ECHDC3: variants seen among roughly 807,000 people sequenced by gnomAD.
ECHDC3 encodes enoyl-CoA hydratase domain-containing protein 3, mitochondrial.
Under a neutral mutation model 17.9 loss-of-function variants are expected in ECHDC3, and 20 were observed. The observed-to-expected ratio is 1.12, with a 90% CI of 0.79 to 1.63. The LOEUF (loss-of-function observed/expected upper bound fraction) is 1.63, where lower values mean the gene tolerates loss of function less well. Among genes scored for constraint, ECHDC3 ranks in the 40% most tolerant of loss-of-function variants. The probability of loss-of-function intolerance (pLI) is 0.00; values close to 1 mark genes in which losing one functional copy is unlikely to be tolerated. For synonymous variants in ECHDC3, 177 were observed against 149.7 expected (o/e 1.18, Z -1.33); for missense variants, 407 against 357.7 (o/e 1.14, Z -1.11).
chr10:11,763,167 G>C lies in ECHDC3; in HGVS notation c.592-57G>C. 1.5e-6 allele frequency: 1 copy of C among 684,764 alleles called. No homozygotes were observed. Among genetic ancestry groups the C allele is most frequent in the Non-Finnish European group, 2.7e-6 (1 of 371,312 alleles). The allele number at this position is 684,764 out of a possible 1,614,324, so 42.4% of individuals were successfully genotyped here. The stretch of plus-strand genomic sequence containing the variant: ...GGTCATTGAGCCGAGGCGGGACTCA[G>C]GTGGCGGGGGCGGGTCACAGGAGAG... On this transcript the variant is annotated intron_variant, in intron 4 of 4. Transcript: ENST00000379215. The surrounding 1 kb of genome is among the most constrained non-coding windows in gnomAD (Gnocchi z 4.9).
intron 3 of ECHDC3, chr10:11,752,063 A>G (rs1832830685): frequency 6.6e-6 from 1 of 152,056 alleles, no homozygotes; most frequent in Non-Finnish European, 1.5e-5. Flanking sequence ...TTGATTATTT[A>G]AATTCCCTTT....
chr10:11,755,677 A>C, intron 4 of ECHDC3, 69 bp downstream of exon 4: 1 of 1,381,488 alleles, frequency 7.2e-7, no homozygotes, highest in Non-Finnish European at 9.9e-7. Context: ...AGTGCATGCG[A>C]TGATTCAAGA....
At chr10:11,743,546 C>T (rs1205373916) in intron 1 of ECHDC3, among the ~76,000 whole-genome samples, 1 of 152,246 alleles carries the variant, frequency 6.6e-6, no homozygotes, top group Non-Finnish European at 1.5e-5. Flanking sequence ...TGCTGCTCTG[C>T]AAGGGGCTGG....
intron 3 of ECHDC3, among the ~76,000 whole-genome samples, chr10:11,753,996 G>A (rs1322131490): frequency 6.6e-6 from 1 of 151,930 alleles, no homozygotes; most frequent in Admixed American, 6.6e-5. Context: ...GACCAGGCTG[G>A]TCTCAAACTC....
At chr10:11,744,278 A>G (rs1832731822) in intron 1 of ECHDC3, among the ~76,000 whole-genome samples, 1 of 152,230 alleles carries the variant, frequency 6.6e-6, no homozygotes, top group Non-Finnish European at 1.5e-5. Context: ...CCTCTGCCCC[A>G]AAGTGGTTTC....
intron 3 of ECHDC3, 85 bp from the exon 4 acceptor site, chr10:11,755,323 C>CAA (rs35696123): frequency 1.4e-4 from 110 of 784,110 alleles, no homozygotes; most frequent in African/African-American, 5.7e-4. Flanking sequence ...GAGACTCTGT[C>CAA]AAAAAAAAAA....
intron 2 of ECHDC3, among the ~76,000 whole-genome samples, chr10:11,748,592 G>A (rs930255324): frequency 6.6e-6 from 1 of 152,008 alleles, no homozygotes; most frequent in South Asian, 2.1e-4. Context: ...TATCAATCAA[G>A]ATAACTACAA....
intron 1 of ECHDC3, among the ~76,000 whole-genome samples, chr10:11,745,017 A>G (rs1413928650): frequency 1.3e-5 from 2 of 152,222 alleles, no homozygotes; most frequent in African/African-American, 4.8e-5. Context: ...CCACGAAAGA[A>G]GTCAAGAAGG....
chr10:11,763,227 G>GCC lies in ECHDC3; in HGVS notation c.596_597dup (p.Leu200ProfsTer45). Reference sequence around the variant, plus strand: ...GACATCCCGTGTCTCCCCGTAGGTGGCCTTGGAGATGCTCTTTACTGGTGA... The same window carrying GCC: ...GACATCCCGTGTCTCCCCGTAGGTGGCCCCTTGGAGATGCTCTTTACTGGTGA... On this transcript the variant is annotated frameshift_variant, in exon 5 of 5. Coordinates refer to ENST00000379215, the MANE Select transcript of ECHDC3 (RefSeq NM_024693.5). LOFTEE classifies it high-confidence loss of function. The surrounding 1 kb of genome is among the most constrained non-coding windows in gnomAD (Gnocchi z 4.9). 1 of 775,258 alleles carries GCC rather than the reference G, an allele frequency of 1.3e-6. No individual in the cohort carries two copies. Among genetic ancestry groups the GCC allele is most frequent in the Middle Eastern group, 2.3e-4 (1 of 4,414 alleles). The allele number at this position is 775,258 out of a possible 1,614,324, so 48.0% of individuals were successfully genotyped here. A position where few individuals can be genotyped will look rare whatever the true frequency, so the allele number is the denominator to read the frequency against.
Position 11,763,956 on chromosome 10 carries a change from A to C in ECHDC3, c.*412A>C. On this transcript the variant is annotated 3_prime_UTR_variant, in exon 5 of 5. Coordinates refer to ENST00000379215, the MANE Select transcript of ECHDC3 (RefSeq NM_024693.5). The surrounding 1 kb of genome is among the most constrained non-coding windows in gnomAD (Gnocchi z 4.9). ...TGCTCAGGAGAGGCGACACATTTCA[A>C]ATCTCCACGAGATATTCTCCACACA... is the stretch of plus-strand genomic sequence containing the variant. The C allele has an allele frequency of 1.0e-6, 1 of 995,038 alleles. No homozygotes were observed. Among genetic ancestry groups the C allele is most frequent in the Admixed American group, 5.9e-5 (1 of 17,060 alleles). 61.6% of individuals were successfully genotyped at this position (995,038 alleles called of 1,614,324 possible).
At chr10:11,752,648 G>A (rs1832839466) in intron 3 of ECHDC3, among the ~76,000 whole-genome samples, 1 of 152,168 alleles carries the variant, frequency 6.6e-6, no homozygotes, top group East Asian at 1.9e-4. Context: ...TTATAGCATT[G>A]ATTGCTTACT....
At chr10:11,752,143 A>G (rs6602526) in intron 3 of ECHDC3, 141,495 of 151,518 alleles carry the variant, frequency 0.93, 66,899 homozygotes, top group East Asian at 1. Context: ...ACAGGGTCTC[A>G]CTCTGTCGCC....
chr10:11,745,150 G>A (rs1344328455), intron 1 of ECHDC3, among the ~76,000 whole-genome samples: 2 of 152,198 alleles, frequency 1.3e-5, no homozygotes, highest in African/African-American at 2.4e-5. Flanking sequence ...GAAGAGCTTG[G>A]GTGGGGTGGG....
Position 11,742,457 on chromosome 10 carries a change from C to A in ECHDC3, c.-120C>A. 9.5e-7 allele frequency: 1 copy of A among 1,051,824 alleles called. No individual in the cohort carries two copies. The highest frequency in any genetic ancestry group is 1.2e-6 in the Non-Finnish European group (1 of 827,412). The allele number at this position is 1,051,824 out of a possible 1,614,324, so 65.2% of individuals were successfully genotyped here. A position where few individuals can be genotyped will look rare whatever the true frequency, so the allele number is the denominator to read the frequency against. ...TCAGGCGGTTCCGTCCGGGTCTCGG[C>A]CACCGTCGAGTTCCGTCGAGTTCCG... On this transcript the variant is annotated 5_prime_UTR_variant, in exon 1 of 5. Transcript: ENST00000379215.
chr10:11,745,886 A>T (rs1326640211), intron 1 of ECHDC3, among the ~76,000 whole-genome samples: 1 of 152,216 alleles, frequency 6.6e-6, no homozygotes, highest in Non-Finnish European at 1.5e-5. Flanking sequence ...GCCTCAAAAG[A>T]GCAAACAGGC....
At chr10:11,748,560 A>T (rs1237380646) in intron 2 of ECHDC3, among the ~76,000 whole-genome samples, 1 of 152,116 alleles carries the variant, frequency 6.6e-6, no homozygotes, top group Non-Finnish European at 1.5e-5. Flanking sequence ...TACCTCACTT[A>T]CAAAAAGACA....
chr10:11,759,415 T>C (rs1449888828), intron 4 of ECHDC3, among the ~76,000 whole-genome samples: 4 of 150,768 alleles, frequency 2.7e-5, no homozygotes, highest in Non-Finnish European at 4.4e-5. Flanking sequence ...CTTACCCCCT[T>C]TTTCTCCATG....
chr10:11,747,171 C>A, intron 1 of ECHDC3, 178 bp from the exon 2 acceptor site: 1 of 696,136 alleles, frequency 1.4e-6, no homozygotes, highest in Non-Finnish European at 2.2e-6. Context: ...TCGCCTTTTT[C>A]TTGTTTTGAC....
chr10:11,755,653 G>T (rs200765311), intron 4 of ECHDC3, 45 bp downstream of exon 4: 3 of 1,542,276 alleles, frequency 1.9e-6, no homozygotes, highest in Non-Finnish European at 2.6e-6. Flanking sequence ...AGCCTTCTCC[G>T]GAGTTCCTCC....
Sources: allele counts gnomAD v4.1 joint callset (sites outside exome capture counted in the v4.1 genomes callset), GRCh38; gene constraint gnomAD v4.1.1; non-coding constraint Gnocchi (gnomAD v3.1); transcripts MANE v1.5; gene names NCBI Gene and HGNC (gene_info 2026-07-23, HGNC 2026-07-21).